Variants in SHISA9 observed in about 807,000 individuals in gnomAD.
SHISA9 encodes shisa family member 9, also known as protein shisa-9.
In SHISA9, 13 loss-of-function variants were observed where a neutral mutation model predicts 38.0. The ratio of observed to expected loss-of-function variants is 0.34; its 90% CI spans 0.22 to 0.54. The LOEUF is 0.54. Ranked by LOEUF, SHISA9 falls within the 20% of genes least tolerant of loss-of-function variation. The pLI, the probability that SHISA9 is intolerant of heterozygous loss-of-function variation, is 0.91. For synonymous variants in SHISA9, 275 were observed against 242.0 expected, an observed-to-expected ratio of 1.14 and a Z score of -1.27; for missense variants, 538 against 575.8, an observed-to-expected ratio of 0.93 and a Z score of 0.67.
chr16:13,340,876 ACT>A, the SHISA9 span, among the ~76,000 whole-genome samples: 1 of 150,822 alleles, frequency 6.6e-6, no homozygotes, highest in Non-Finnish European at 1.5e-5. Context: ...TCTCCACTCC[ACT>A]CTCTTTCTCC....
At chr16:13,070,183 G>A (rs1309886380) in intron 2 of SHISA9, among the ~76,000 whole-genome samples, 1 of 151,314 alleles carries the variant, frequency 6.6e-6, no homozygotes, top group African/African-American at 2.4e-5. Flanking sequence ...AACTGCCAAA[G>A]AAGACATGGA....
chr16:13,297,054 A>G, the SHISA9 span, among the ~76,000 whole-genome samples: 1 of 152,132 alleles, frequency 6.6e-6, no homozygotes, highest in Non-Finnish European at 1.5e-5. Flanking sequence ...ATTCAGAATT[A>G]TACTGTAAGC....
chr16:13,218,727 G>A (rs1010867632), intron 4 of SHISA9, among the ~76,000 whole-genome samples: 3 of 152,124 alleles, frequency 2.0e-5, no homozygotes, highest in South Asian at 2.1e-4. Context: ...GCCCATAGTA[G>A]GTACTCAGTA....
At chr16:13,349,914 T>C in the SHISA9 span, among the ~76,000 whole-genome samples, 1 of 152,198 alleles carries the variant, frequency 6.6e-6, no homozygotes, top group African/African-American at 2.4e-5. Flanking sequence ...AGGAGGCCCA[T>C]TATTTTTACC....
At chr16:12,970,489 ATATATATATTTTTTTT>A (rs2072062838) in intron 2 of SHISA9, among the ~76,000 whole-genome samples, 1 of 26,384 alleles carries the variant, frequency 3.8e-5, no homozygotes, top group African/African-American at 1.4e-4. Flanking sequence ...ATATATATAT[ATATATATATTTTTTTT>A]TTTTTTTTTT....
At chr16:13,319,129 T>G in the SHISA9 span, among the ~76,000 whole-genome samples, 39 of 152,330 alleles carry the variant, frequency 2.6e-4, no homozygotes, top group Non-Finnish European at 4.4e-4. Context: ...TGCCTCAGCC[T>G]CCCGAGTAGC....
intron 2 of SHISA9, among the ~76,000 whole-genome samples, chr16:13,070,151 TGTGC>T (rs1414884151): frequency 3.8e-5 from 5 of 132,380 alleles, no homozygotes; most frequent in African/African-American, 8.2e-5. Flanking sequence ...TGTGTGTGTG[TGTGC>T]ACGCATGTGT....
At chr16:13,344,622 G>A in the SHISA9 span, among the ~76,000 whole-genome samples, 2 of 152,124 alleles carry the variant, frequency 1.3e-5, no homozygotes, top group Non-Finnish European at 2.9e-5. Context: ...TATCATAGTG[G>A]CAACAATAAT....
intron 2 of SHISA9, among the ~76,000 whole-genome samples, chr16:13,140,102 T>G: frequency 4.8e-5 from 1 of 20,970 alleles, no homozygotes; most frequent in Non-Finnish European, 1.3e-4. Context: ...TTCCCTTCCC[T>G]TCCCTTCCCT....
the SHISA9 span, among the ~76,000 whole-genome samples, chr16:13,402,605 G>A: frequency 7.7e-4 from 113 of 147,472 alleles, 1 homozygote; most frequent in Middle Eastern, 3.5e-3. Flanking sequence ...ACCACCTCCC[G>A]GGTTGAAGCA....
chr16:13,214,874 C>A (rs1406753377), intron 4 of SHISA9, among the ~76,000 whole-genome samples: 4 of 152,172 alleles, frequency 2.6e-5, no homozygotes, highest in Non-Finnish European at 5.9e-5. Context: ...TCCCACAACA[C>A]CTGGGAATTG....
intron 1 of SHISA9, among the ~76,000 whole-genome samples, chr16:12,907,360 A>G (rs577792849): frequency 4.1e-5 from 4 of 96,834 alleles, no homozygotes; most frequent in Admixed American, 1.3e-4. Context: ...CCCTCTTCTC[A>G]TCTTCTTCCC....
chr16:13,085,713 A>T (rs1319297724), intron 2 of SHISA9, among the ~76,000 whole-genome samples: 1 of 152,222 alleles, frequency 6.6e-6, no homozygotes, highest in Non-Finnish European at 1.5e-5. Context: ...TAGGGCTAAA[A>T]AAACACCTGG....
the SHISA9 span, among the ~76,000 whole-genome samples, chr16:13,536,785 TAGTC>T: frequency 6.6e-6 from 1 of 152,194 alleles, no homozygotes; most frequent in African/African-American, 2.4e-5. Context: ...GAAATAGGCA[TAGTC>T]AGATAATAAA....
At chr16:13,114,186 G>T (rs899102987) in intron 2 of SHISA9, among the ~76,000 whole-genome samples, 5 of 151,938 alleles carry the variant, frequency 3.3e-5, no homozygotes, top group African/African-American at 1.2e-4. Flanking sequence ...TACGAAAAAG[G>T]CTGGGCGTGG....
the SHISA9 span, among the ~76,000 whole-genome samples, chr16:13,409,331 C>G: frequency 2.0e-5 from 3 of 152,356 alleles, no homozygotes; most frequent in African/African-American, 7.2e-5. Flanking sequence ...GGACACTGGA[C>G]AAGAGCTTGG....
the SHISA9 span, among the ~76,000 whole-genome samples, chr16:13,423,045 G>T: frequency 6.6e-6 from 1 of 152,202 alleles, no homozygotes; most frequent in Non-Finnish European, 1.5e-5. Flanking sequence ...AAATAATTTA[G>T]TGTCTCTAAG....
chr16:12,920,490 TA>T (rs1164570457), intron 2 of SHISA9, among the ~76,000 whole-genome samples: 1 of 152,120 alleles, frequency 6.6e-6, no homozygotes, highest in East Asian at 1.9e-4. Flanking sequence ...TAAAATAACT[TA>T]AAGAGTGTCA....
At chr16:13,023,179 C>G (rs1468530662) in intron 2 of SHISA9, among the ~76,000 whole-genome samples, 2 of 152,132 alleles carry the variant, frequency 1.3e-5, no homozygotes, top group Admixed American at 1.3e-4. Context: ...AGTCCCTGAC[C>G]CTGCAACAGG....
Sources: gnomAD v4.1 joint callset for allele counts (sites outside exome capture counted in the v4.1 genomes callset) on GRCh38, gnomAD v4.1.1 for gene constraint, MANE v1.5 for transcripts, NCBI Gene and HGNC (gene_info 2026-07-23, HGNC 2026-07-21) for gene names.